Variants in COPE observed in about 807,000 individuals in gnomAD.
The protein encoded by COPE is coat protein complex I subunit epsilon, also known as coatomer subunit epsilon.
In COPE, 19 loss-of-function variants were observed where a neutral mutation model predicts 42.1. The ratio of observed to expected loss-of-function variants is 0.45; its 90% confidence interval spans 0.31 to 0.66. The LOEUF is 0.66. Ranked by LOEUF, COPE falls within the 30% of genes least tolerant of loss-of-function variation. The pLI, the probability that COPE is intolerant of heterozygous loss-of-function variation, is 0.05. For synonymous variants in COPE, 195 were observed against 181.3 expected (o/e 1.08, Z -0.60); for missense variants, 402 against 416.1 (o/e 0.97, Z 0.30).
At chr19:18,900,557 TGG>T in intron 7 of COPE, 108 bp from the exon 8 acceptor site, 1 of 840,492 alleles carries the variant, frequency 1.2e-6, no homozygotes, top group African/African-American at 1.7e-5. Context: ...TCCTCAGAGG[TGG>T]GGTGGGACTG....
chr19:18,911,151 A>C (rs2056806498), intron 2 of COPE, 80 bp from the exon 3 acceptor site: 1 of 1,303,974 alleles, frequency 7.7e-7, no homozygotes, highest in Non-Finnish European at 1.1e-6. Flanking sequence ...GGAGAGCCCC[A>C]GACAGGAAGT....
In COPE at chr19:18,904,860, G is replaced by A. The variant is rs200769434; in HGVS notation, c.498-8C>T. 1.5e-5 allele frequency: 24 copies of A among 1,552,062 alleles called. No homozygotes were observed. The Admixed American group carries it at 2.2e-4, about 14-fold the overall frequency. The stretch of plus-strand genomic sequence containing the variant: ...ATTCTCTTCAGCTCCTTCCTGGGGC[G>A]GGGACAGATGACAGAGGGGCTGAGT... On this transcript the variant is annotated splice_polypyrimidine_tract_variant and splice_region_variant and intron_variant, in intron 5 of 9. Coordinates refer to ENST00000262812, the MANE Select transcript of COPE (RefSeq NM_007263.4).
At chr19:18,900,503 C>A in intron 7 of COPE, 54 bp from the exon 8 acceptor site, 1 of 1,414,822 alleles carries the variant, frequency 7.1e-7, no homozygotes, top group South Asian at 1.3e-5. Context: ...AGCCCCCATG[C>A]CTGCCCGTCA....
chr19:18,910,959 C>T lies in COPE; in HGVS notation c.290+12G>A, dbSNP rs1327314004. 1.2e-6 allele frequency: 2 copies of T among 1,613,124 alleles called. No individual in the cohort carries two copies. The highest frequency in any genetic ancestry group is 1.7e-6 in the Non-Finnish European group (2 of 1,179,684). ...CCCGCGCCTCAGGCCAACCCATTCT[C>T]TGGGGCCTCACCTCCGACTCTCGTG... On this transcript the variant is annotated intron_variant, in intron 3 of 9. Coordinates refer to ENST00000262812, the MANE Select transcript of COPE (RefSeq NM_007263.4).
chr19:18,904,895 C>T, intron 5 of COPE, 43 bp from the exon 6 acceptor site: 2 of 1,537,188 alleles, frequency 1.3e-6, no homozygotes, highest in Non-Finnish European at 1.8e-6. Context: ...TGGCCGAGGG[C>T]CCTGGCCTGG....
intron 3 of COPE, among the ~76,000 whole-genome samples, chr19:18,907,736 A>G (rs981569587): frequency 5.9e-5 from 9 of 152,216 alleles, no homozygotes; most frequent in African/African-American, 2.2e-4. Flanking sequence ...ATGGCTATTG[A>G]GCAGCTAAAA....
Position 18,919,310 on chromosome 19 carries a change from G to A in COPE, c.39C>T (p.Ser13=), listed in dbSNP as rs1191559351. Residue 13 remains serine, a synonymous_variant, in exon 1 of 10, where the codon TCC becomes TCT. Coordinates refer to ENST00000262812, the MANE Select transcript of COPE (RefSeq NM_007263.4). ...PPAPGPASGG[S]GEVDELFDVK... Reference sequence around the variant, plus strand: ...CGTCGAACAGCTCGTCTACCTCCCCGGAGCCGCCGGAGGCCGGGCCGGGGG... The same window carrying A: ...CGTCGAACAGCTCGTCTACCTCCCCAGAGCCGCCGGAGGCCGGGCCGGGGG... 2 of 1,613,654 alleles carry A rather than the reference G, an allele frequency of 1.2e-6. No individual in the cohort carries two copies. The highest frequency in any genetic ancestry group is 1.1e-5 in the South Asian group (1 of 91,086).
intron 7 of COPE, among the ~76,000 whole-genome samples, chr19:18,902,770 AAAGAAGG>A: frequency 5.1e-5 from 2 of 39,326 alleles, no homozygotes; most frequent in African/African-American, 4.4e-4. Context: ...GAAGGAAGGG[AAAGAAGG>A]AAGGAAGGAA....
At chr19:18,907,561 C>T (rs577525279) in intron 3 of COPE, among the ~76,000 whole-genome samples, 1 of 152,186 alleles carries the variant, frequency 6.6e-6, no homozygotes, top group Non-Finnish European at 1.5e-5. Context: ...CAGCTGCCCT[C>T]AGTCCCTGAG....
chr19:18,903,151 T>C (rs918658676), intron 7 of COPE, 117 bp downstream of exon 7: 5 of 1,094,428 alleles, frequency 4.6e-6, no homozygotes, highest in Non-Finnish European at 6.2e-6. Context: ...AGAAGCCCTG[T>C]GGGGCCACAC....
Position 18,903,421 on chromosome 19 carries a change from A to G in COPE, c.582T>C (p.Gly194=), listed in dbSNP as rs1601212690. 1.2e-6 allele frequency: 2 copies of G among 1,604,290 alleles called. No homozygotes were observed. Among genetic ancestry groups the G allele is most frequent in the Non-Finnish European group, 1.7e-6 (2 of 1,174,902 alleles). The stretch of plus-strand genomic sequence containing the variant: ...AGTAGGCATCCTGCAGCTTCTCACC[A>G]CCCTGCAGGGAGGGTCCCGCATCAT... ...LATAWVSLAT[G]GEKLQDAYYI... The change falls in exon 7 of 10, where the codon GGT becomes GGC. Residue 194 remains glycine (G), a splice_region_variant and synonymous_variant. Transcript: ENST00000262812.
chr19:18,910,922 C>G (rs371672234), intron 3 of COPE, 49 bp downstream of exon 3: 176 of 1,550,248 alleles, frequency 1.1e-4, no homozygotes, highest in Non-Finnish European at 1.5e-4. Flanking sequence ...ACCAACAGGC[C>G]TTGAAGATGG....
intron 1 of COPE, among the ~76,000 whole-genome samples, chr19:18,916,944 CAAAAAAA>C (rs34497308): frequency 0.016 from 1,067 of 68,700 alleles, 16 homozygotes; most frequent in African/African-American, 0.049. Flanking sequence ...GATCCTGTCT[CAAAAAAA>C]AAAAAAAAAA....
At chr19:18,917,736 G>A (rs1033925722) in intron 1 of COPE, among the ~76,000 whole-genome samples, 1 of 152,156 alleles carries the variant, frequency 6.6e-6, no homozygotes, top group Non-Finnish European at 1.5e-5. Context: ...CGGACAGAGA[G>A]AGAGTGGGAA....
intron 1 of COPE, 66 bp downstream of exon 1, chr19:18,919,150 ACGCGGCT>A: frequency 6.6e-7 from 1 of 1,519,076 alleles, no homozygotes; most frequent in East Asian, 2.3e-5. Flanking sequence ...TAGACGCAGA[ACGCGGCT>A]CGCGGCCACC....
intron 3 of COPE, among the ~76,000 whole-genome samples, chr19:18,910,079 G>A (rs963359845): frequency 1.3e-5 from 2 of 152,154 alleles, no homozygotes; most frequent in Non-Finnish European, 2.9e-5. Flanking sequence ...CACTGCCTCC[G>A]TGGGCCAAGG....
At position 18,907,097 on chromosome 19, in the gene COPE, G is replaced by T; in HGVS notation, c.306C>A (p.Ala102=). The T allele has an allele frequency of 6.2e-7, 1 of 1,612,062 alleles. No individual in the cohort carries two copies. The highest frequency in any genetic ancestry group is 8.5e-7 in the Non-Finnish European group (1 of 1,179,636). Residue 102 remains alanine, a synonymous_variant, in exon 4 of 10, where the codon GCC becomes GCA. Coordinates refer to ENST00000262812, the MANE Select transcript of COPE (RefSeq NM_007263.4). ...AHESRRDSIV[A]ELDREMSRSV... Reference sequence around the variant, plus strand: ...TCCTGCTCATCTCTCGGTCCAGCTCGGCCACGATGCTGTCCCTGCAAGACA... The same window carrying T: ...TCCTGCTCATCTCTCGGTCCAGCTCTGCCACGATGCTGTCCCTGCAAGACA...
At chr19:18,901,813 AAAAC>A (rs926937141) in intron 7 of COPE, among the ~76,000 whole-genome samples, 11 of 152,304 alleles carry the variant, frequency 7.2e-5, no homozygotes, top group South Asian at 4.1e-4. Context: ...ACCGTTTCAA[AAAAC>A]AAACAAAAAA....
At chr19:18,900,540 G>A in intron 7 of COPE, 91 bp from the exon 8 acceptor site, 1 of 984,506 alleles carries the variant, frequency 1.0e-6, no homozygotes, top group South Asian at 1.5e-5. Context: ...CACCACACAA[G>A]GTCACCTCCT....
Sources: allele counts gnomAD v4.1 joint callset (sites outside exome capture counted in the v4.1 genomes callset), GRCh38; gene constraint gnomAD v4.1.1; transcripts MANE v1.5; gene names NCBI Gene and HGNC (gene_info 2026-07-23, HGNC 2026-07-21).